OTUD7A: variants seen among roughly 807,000 people sequenced by gnomAD.
The protein encoded by OTUD7A is OTU deubiquitinase 7A, also known as OTU domain-containing protein 7A.
Under a neutral mutation model 65.7 loss-of-function variants are expected in OTUD7A, and 12 were observed. The ratio of observed to expected loss-of-function variants is 0.18; its 90% CI spans 0.12 to 0.30. The LOEUF (loss-of-function observed/expected upper bound fraction) is 0.30. OTUD7A is among the 10% of genes least tolerant of loss of function. OTUD7A has a pLI of 1.00. For missense variants in OTUD7A, 1,148 were observed against 1,304.8 expected (o/e 0.88, Z 1.85); for synonymous variants, 641 against 586.3 (o/e 1.09, Z -1.35).
intron 3 of OTUD7A, among the ~76,000 whole-genome samples, chr15:31,606,842 T>C (rs969253769): frequency 3.9e-5 from 6 of 152,230 alleles, no homozygotes; most frequent in African/African-American, 7.2e-5. Flanking sequence ...TTATATATCA[T>C]ATAAATCAGT....
intron 1 of OTUD7A, among the ~76,000 whole-genome samples, chr15:31,786,163 G>T (rs1895668950): frequency 6.6e-6 from 1 of 152,156 alleles, no homozygotes; most frequent in Admixed American, 6.5e-5. Flanking sequence ...CTCACCAGAT[G>T]CAGCTCTTCA....
chr15:31,514,051 TTCTTTC>T (rs60237354), intron 8 of OTUD7A, among the ~76,000 whole-genome samples: 45,680 of 117,184 alleles, frequency 0.39, 7,601 homozygotes, highest in East Asian at 0.49. Context: ...CTTTCTTTCT[TTCTTTC>T]TTTTTTTTTT....
At chr15:31,738,196 T>C (rs1894244115) in intron 1 of OTUD7A, among the ~76,000 whole-genome samples, 1 of 151,012 alleles carries the variant, frequency 6.6e-6, no homozygotes, top group Non-Finnish European at 1.5e-5. Flanking sequence ...CAGAAGAACT[T>C]GGGCATGGGG....
intron 3 of OTUD7A, among the ~76,000 whole-genome samples, chr15:31,608,176 G>A (rs1369657264): frequency 6.6e-6 from 1 of 152,150 alleles, no homozygotes; most frequent in African/African-American, 2.4e-5. Flanking sequence ...GAACCCGGGA[G>A]ACGGAGGTTG....
At chr15:31,830,260 C>A (rs532886849) in intron 1 of OTUD7A, among the ~76,000 whole-genome samples, 1 of 152,108 alleles carries the variant, frequency 6.6e-6, no homozygotes, top group African/African-American at 2.4e-5. Context: ...CAAATCAATA[C>A]CAAATCAATG....
At chr15:31,537,434 A>G (rs986354669) in intron 5 of OTUD7A, among the ~76,000 whole-genome samples, 1 of 152,238 alleles carries the variant, frequency 6.6e-6, no homozygotes, top group Non-Finnish European at 1.5e-5. Flanking sequence ...ACACTAACAA[A>G]TTGGTATATT....
chr15:31,485,490 C>T (rs1383530632), intron 12 of OTUD7A, among the ~76,000 whole-genome samples: 2 of 151,996 alleles, frequency 1.3e-5, no homozygotes, highest in Non-Finnish European at 2.9e-5. Flanking sequence ...GGTGGGGTGA[C>T]GCTGGGGAGC....
intron 1 of OTUD7A, among the ~76,000 whole-genome samples, chr15:31,856,732 C>T (rs1158137813): frequency 5.9e-5 from 9 of 152,206 alleles, no homozygotes; most frequent in African/African-American, 1.9e-4. Context: ...AAAGTGATGA[C>T]GCACAGCGGA....
At chr15:31,561,401 A>T (rs534422433) in intron 4 of OTUD7A, among the ~76,000 whole-genome samples, 2 of 152,276 alleles carry the variant, frequency 1.3e-5, no homozygotes, top group Admixed American at 1.3e-4. Context: ...TCGGAATCTG[A>T]TGGAGAGGGA....
At chr15:31,663,351 T>C (rs1279411652) in intron 1 of OTUD7A, among the ~76,000 whole-genome samples, 2 of 151,942 alleles carry the variant, frequency 1.3e-5, no homozygotes, top group Admixed American at 1.3e-4. Flanking sequence ...TAGGTAAACG[T>C]GTGCCATGGT....
intron 1 of OTUD7A, chr15:31,689,433 T>C (rs1216295387): frequency 6.8e-6 from 1 of 148,076 alleles, no homozygotes; most frequent in Admixed American, 6.8e-5. Context: ...CTGCTGGAAA[T>C]GGCCCATTGT....
At chr15:31,855,513 A>T (rs1199960116) in intron 1 of OTUD7A, among the ~76,000 whole-genome samples, 1 of 152,170 alleles carries the variant, frequency 6.6e-6, no homozygotes, top group East Asian at 1.9e-4. Context: ...AACAAATCGA[A>T]AAAAAAATCC....
chr15:31,528,046 C>T (rs1306052496), intron 6 of OTUD7A, among the ~76,000 whole-genome samples: 1 of 152,244 alleles, frequency 6.6e-6, no homozygotes, highest in Non-Finnish European at 1.5e-5. Flanking sequence ...GCCATCCACC[C>T]ACCCACGCAC....
intron 3 of OTUD7A, among the ~76,000 whole-genome samples, chr15:31,579,726 G>A (rs1457901118): frequency 2.8e-4 from 42 of 152,196 alleles, no homozygotes; most frequent in Non-Finnish European, 8.8e-5. Flanking sequence ...ATATGCACAT[G>A]TATACACATG....
intron 10 of OTUD7A, among the ~76,000 whole-genome samples, chr15:31,499,422 C>T (rs762947376): frequency 2.0e-5 from 3 of 152,202 alleles, no homozygotes; most frequent in African/African-American, 4.8e-5. Flanking sequence ...CCAGGTCCTG[C>T]GACTTTGCGG....
chr15:31,848,426 T>A (rs148563937), intron 1 of OTUD7A, among the ~76,000 whole-genome samples: 280 of 152,112 alleles, frequency 1.8e-3, no homozygotes, highest in Middle Eastern at 0.01. Flanking sequence ...TAGGTAATAC[T>A]CTAAAAAACT....
intron 1 of OTUD7A, among the ~76,000 whole-genome samples, chr15:31,715,261 T>C (rs1435215556): frequency 6.7e-6 from 1 of 149,846 alleles, no homozygotes; most frequent in Non-Finnish European, 1.5e-5. Flanking sequence ...CCTGCCTCAC[T>C]TCGCTGTTCC....
intron 1 of OTUD7A, among the ~76,000 whole-genome samples, chr15:31,787,192 C>T (rs896215454): frequency 2.6e-5 from 4 of 152,062 alleles, no homozygotes; most frequent in East Asian, 1.9e-4. Flanking sequence ...GATGTGATGG[C>T]CTTATTGGAG....
At chr15:31,818,406 C>T (rs1280581958) in intron 1 of OTUD7A, among the ~76,000 whole-genome samples, 1 of 152,076 alleles carries the variant, frequency 6.6e-6, no homozygotes, top group East Asian at 1.9e-4. Flanking sequence ...AAATAGAAAC[C>T]ACTAACATTT....
Sources: allele counts gnomAD v4.1 joint callset (sites outside exome capture counted in the v4.1 genomes callset), GRCh38; gene constraint gnomAD v4.1.1; transcripts MANE v1.5; gene names NCBI Gene and HGNC (gene_info 2026-07-23, HGNC 2026-07-21).